The following COL5A2 variants were observed in gnomAD, a reference collection of about 807,000 sequenced individuals.
COL5A2 encodes collagen type V alpha 2 chain.
COL5A2 carries 23 observed loss-of-function variants against 208.2 expected under a neutral mutation model. The observed-to-expected ratio is 0.11, with a 90% CI of 0.08 to 0.16. The LOEUF is 0.16. Ranked by LOEUF, COL5A2 falls within the 10% of genes least tolerant of loss-of-function variation. The pLI, the probability that COL5A2 is intolerant of heterozygous loss-of-function variation, is 1.00. For synonymous variants in COL5A2, 625 were observed against 628.5 expected (o/e 0.99, Z 0.08); for missense variants, 1,590 against 1,956.4 (o/e 0.81, Z 3.53).
At chr2:189,273,151 T>A in the COL5A2 span, among the ~76,000 whole-genome samples, 2 of 152,126 alleles carry the variant, frequency 1.3e-5, no homozygotes, top group African/African-American at 2.4e-5. Context: ...ATGGAAAGAA[T>A]TATGATGGCA....
the COL5A2 span, among the ~76,000 whole-genome samples, chr2:189,357,108 T>C: frequency 1.3e-5 from 2 of 152,302 alleles, no homozygotes; most frequent in Non-Finnish European, 2.9e-5. Context: ...CTCTGGAAGC[T>C]TTGTCCCAGA....
chr2:189,306,343 A>G, the COL5A2 span, among the ~76,000 whole-genome samples: 1 of 152,104 alleles, frequency 6.6e-6, no homozygotes, highest in African/African-American at 2.4e-5. Flanking sequence ...TCTGCATCAC[A>G]TATTAGCTTA....
At chr2:189,431,609 A>G in the COL5A2 span, among the ~76,000 whole-genome samples, 1 of 152,230 alleles carries the variant, frequency 6.6e-6, no homozygotes, top group Non-Finnish European at 1.5e-5. Flanking sequence ...ATTCAAGATC[A>G]AATTAATGAA....
the COL5A2 span, among the ~76,000 whole-genome samples, chr2:189,351,656 T>C: frequency 6.6e-6 from 1 of 151,902 alleles, no homozygotes; most frequent in African/African-American, 2.4e-5. Flanking sequence ...CAAAAATAAA[T>C]AAATTTGGGA....
chr2:189,240,948 T>C, the COL5A2 span, among the ~76,000 whole-genome samples: 1 of 152,200 alleles, frequency 6.6e-6, no homozygotes, highest in Non-Finnish European at 1.5e-5. Context: ...ATTTTTTCTT[T>C]GCTACTCATT....
At chr2:189,128,491 G>GT (rs1336847518) in intron 1 of COL5A2, among the ~76,000 whole-genome samples, 7 of 151,644 alleles carry the variant, frequency 4.6e-5, no homozygotes, top group African/African-American at 1.5e-4. Flanking sequence ...GTTGTTTTTT[G>GT]TTTTTTTCTT....
chr2:189,301,932 T>C, the COL5A2 span, among the ~76,000 whole-genome samples: 1 of 152,168 alleles, frequency 6.6e-6, no homozygotes, highest in African/African-American at 2.4e-5. Flanking sequence ...AAATTTTTTT[T>C]CAGACGTCAC....
intron 1 of COL5A2, among the ~76,000 whole-genome samples, chr2:189,132,026 A>G (rs1687725803): frequency 6.6e-6 from 1 of 152,226 alleles, no homozygotes; most frequent in Non-Finnish European, 1.5e-5. Context: ...GTATCTATTA[A>G]TTCATCCACT....
chr2:189,086,564 T>C (rs1309902318), intron 9 of COL5A2, among the ~76,000 whole-genome samples, 162 bp downstream of exon 9: 1 of 152,226 alleles, frequency 6.6e-6, no homozygotes, highest in Non-Finnish European at 1.5e-5. Context: ...ATGTGGCATA[T>C]ATTTCTAAAT....
At chr2:189,199,324 A>G (rs769215234) in intron 1 of COL5A2, among the ~76,000 whole-genome samples, 1 of 152,228 alleles carries the variant, frequency 6.6e-6, no homozygotes, top group Non-Finnish European at 1.5e-5. Flanking sequence ...ATGGAGATAG[A>G]TCATGGAGTA....
At chr2:189,314,405 A>G in the COL5A2 span, among the ~76,000 whole-genome samples, 1 of 152,238 alleles carries the variant, frequency 6.6e-6, no homozygotes, top group Non-Finnish European at 1.5e-5. Context: ...AAACAAAGAT[A>G]CAACACACCA....
the COL5A2 span, among the ~76,000 whole-genome samples, chr2:189,398,097 T>C: frequency 6.6e-5 from 10 of 152,282 alleles, no homozygotes; most frequent in East Asian, 1.9e-3. Flanking sequence ...AGAAATTTTC[T>C]AGTTGACATT....
the COL5A2 span, among the ~76,000 whole-genome samples, chr2:189,349,989 T>C: frequency 1.3e-5 from 2 of 152,184 alleles, no homozygotes; most frequent in Non-Finnish European, 2.9e-5. Flanking sequence ...GGATCTCATA[T>C]CAAAGCACCT....
At chr2:189,434,261 A>C in the COL5A2 span, among the ~76,000 whole-genome samples, 3 of 152,206 alleles carry the variant, frequency 2.0e-5, no homozygotes, top group Non-Finnish European at 4.4e-5. Context: ...TCCCTTTGAA[A>C]ACTAGCACAA....
rs1036539070 is a variant in COL5A2, at chr2:189,080,942, G to A, written c.906+48C>T. On this transcript the variant is annotated intron_variant, in intron 13 of 53. Transcript: ENST00000374866. ...TTGAAGGTAAATCTCCCCAGAGCCT[G>A]TTCACTAAACCACAGTATCTGAGAG... The A allele has an allele frequency of 2.0e-6, 3 of 1,480,454 alleles. No individual in the cohort carries two copies. The East Asian group carries it at 6.8e-5, about 34-fold the overall frequency. 91.7% of individuals were successfully genotyped at this position (1,480,454 alleles called of 1,614,324 possible). A position where few individuals can be genotyped will look rare whatever the true frequency, so the allele number is the denominator to read the frequency against.
intron 50 of COL5A2, among the ~76,000 whole-genome samples, 192 bp from the exon 51 acceptor site, chr2:189,039,755 C>A (rs1416790213): frequency 6.6e-6 from 1 of 151,726 alleles, no homozygotes. Context: ...AGAAATGATG[C>A]TCAATCATTT....
Position 189,092,337 on chromosome 2 carries a change from G to A in COL5A2, c.540C>T (p.Ser180=), listed in dbSNP as rs765297400. ...TGCTCAAGCCATCGGGTCCTGGGTG[G>A]GACGGATGTCCAGGAGGTCCTGGAG... ...PGAPGPPGHP[S]HPGPDGLSRP... Residue 180 remains serine (S), a synonymous_variant, in exon 7 of 54, where the codon TCC becomes TCT. Coordinates refer to ENST00000374866, the MANE Select transcript of COL5A2 (RefSeq NM_000393.5). The A allele has an allele frequency of 1.2e-6, 2 of 1,609,074 alleles. No individual in the cohort carries two copies. The highest frequency in any genetic ancestry group is 3.4e-5 in the Admixed American group (2 of 59,610).
At chr2:189,164,580 A>G (rs4667268) in intron 1 of COL5A2, among the ~76,000 whole-genome samples, 118,626 of 151,894 alleles carry the variant, frequency 0.78, 48,893 homozygotes, top group Non-Finnish European at 0.91. Context: ...TATTATTATT[A>G]TTGTTTACTT....
chr2:189,164,472 C>A (rs1222465129), intron 1 of COL5A2, among the ~76,000 whole-genome samples: 1 of 151,418 alleles, frequency 6.6e-6, no homozygotes, highest in Non-Finnish European at 1.5e-5. Flanking sequence ...TATAAGCAGT[C>A]TATTTTATTT....
Sources: gnomAD v4.1 joint callset for allele counts (sites outside exome capture counted in the v4.1 genomes callset) on GRCh38, gnomAD v4.1.1 for gene constraint, MANE v1.5 for transcripts, NCBI Gene and HGNC (gene_info 2026-07-23, HGNC 2026-07-21) for gene names.